CAAP1: variants seen among roughly 807,000 people sequenced by gnomAD.
CAAP1 encodes conserved anti-apoptotic protein.
CAAP1 carries 20 observed loss-of-function variants against 34.0 expected under a neutral mutation model. The observed-to-expected ratio is 0.59, with a 90% CI of 0.41 to 0.86. CAAP1 has a LOEUF of 0.86. Ranked by LOEUF, CAAP1 falls within the 40% of genes least tolerant of loss-of-function variation. The probability of loss-of-function intolerance (pLI) is 0.00; values close to 1 mark genes in which losing one functional copy is unlikely to be tolerated. For missense variants in CAAP1, 538 were observed against 450.5 expected, an observed-to-expected ratio of 1.19 and a Z score of -1.76; for synonymous variants, 213 against 166.7, an observed-to-expected ratio of 1.28 and a Z score of -2.14.
At chr9:26,843,282 ATT>A (rs1050985086) in intron 5 of CAAP1, among the ~76,000 whole-genome samples, 3 of 152,232 alleles carry the variant, frequency 2.0e-5, no homozygotes, top group African/African-American at 7.2e-5. Context: ...TAAAAAATGC[ATT>A]TGTTATAAAA....
intron 5 of CAAP1, among the ~76,000 whole-genome samples, chr9:26,852,148 C>T (rs1168989373): frequency 0.05 from 2 of 40 alleles, no homozygotes; most frequent in Non-Finnish European, 0.083. Context: ...CAACCTCTGC[C>T]TCCTGGCTGA....
Position 26,869,974 on chromosome 9 carries a change from T to C in CAAP1, c.666-8835A>G, listed in dbSNP as rs145073080. The C allele has an allele frequency of 6.6e-3, 6,512 of 983,052 alleles. 21 individuals carry two copies. The highest frequency in any genetic ancestry group is 7.5e-3 in the Non-Finnish European group (6,236 of 828,228). 60.9% of individuals were successfully genotyped at this position (983,052 alleles called of 1,614,324 possible). A position where few individuals can be genotyped will look rare whatever the true frequency, so the allele number is the denominator to read the frequency against. On this transcript the variant is annotated intron_variant, in intron 4 of 5. Coordinates refer to ENST00000333916, the MANE Select transcript of CAAP1 (RefSeq NM_024828.4). ...TTGAGCAGCAGGATGAGGCAGTAAA[T>C]TGACTGATGGAAAAATGACAATAGA... is the stretch of plus-strand genomic sequence containing the variant.
chr9:26,884,677 CAAAT>C (rs1307566776), intron 4 of CAAP1, 129 bp downstream of exon 4: 17 of 716,242 alleles, frequency 2.4e-5, no homozygotes, highest in East Asian at 2.6e-5. Context: ...TACAAGTAGA[CAAAT>C]AAATCTTTCT....
chr9:26,882,667 C>T (rs1273280485), intron 4 of CAAP1, among the ~76,000 whole-genome samples: 5 of 152,094 alleles, frequency 3.3e-5, no homozygotes, highest in East Asian at 1.9e-4. Flanking sequence ...AGAGGGCCAC[C>T]GTCCCCCAGA....
chr9:26,847,732 TG>T (rs1279179720), intron 5 of CAAP1, among the ~76,000 whole-genome samples: 3 of 152,128 alleles, frequency 2.0e-5, no homozygotes, highest in African/African-American at 4.8e-5. Context: ...TTATTTATGG[TG>T]TTTTTTTTTC....
chr9:26,863,966 A>C (rs2131313626), intron 4 of CAAP1, among the ~76,000 whole-genome samples: 1 of 151,958 alleles, frequency 6.6e-6, no homozygotes, highest in South Asian at 2.1e-4. Flanking sequence ...TAATTTTTTT[A>C]AGTAAAGGTG....
intron 4 of CAAP1, among the ~76,000 whole-genome samples, chr9:26,884,585 C>G (rs1823682132): frequency 6.6e-6 from 1 of 152,118 alleles, no homozygotes; most frequent in Non-Finnish European, 1.5e-5. Flanking sequence ...TGTTCTGTAT[C>G]TATGTGGAGT....
intron 4 of CAAP1, among the ~76,000 whole-genome samples, chr9:26,873,445 G>A (rs932326730): frequency 6.6e-6 from 1 of 151,968 alleles, no homozygotes; most frequent in Non-Finnish European, 1.5e-5. Flanking sequence ...TTTAGAGAAA[G>A]CAATTTTAAA....
chr9:26,848,904 A>C (rs1822678588), intron 5 of CAAP1, among the ~76,000 whole-genome samples: 2 of 152,178 alleles, frequency 1.3e-5, no homozygotes, highest in Admixed American at 6.5e-5. Flanking sequence ...TAAACATATA[A>C]ATTTTTTTTG....
At chr9:26,862,605 T>C (rs900518091) in intron 4 of CAAP1, among the ~76,000 whole-genome samples, 2 of 152,106 alleles carry the variant, frequency 1.3e-5, no homozygotes, top group African/African-American at 4.8e-5. Flanking sequence ...GAAAGTTGAA[T>C]GTCATTGTTA....
At position 26,842,205 on chromosome 9, in the gene CAAP1, G is replaced by A. The variant is rs1435415716; in HGVS notation, c.*96C>T. On this transcript the variant is annotated 3_prime_UTR_variant, in exon 6 of 6. Transcript: ENST00000333916. Reference sequence around the variant, plus strand: ...ATGAGTCCTAATAAGGGTTACATGAGAAATAACATATAAGACCCCAAATAA... The same window carrying A: ...ATGAGTCCTAATAAGGGTTACATGAAAAATAACATATAAGACCCCAAATAA... 8 of 976,118 alleles carry A rather than the reference G, an allele frequency of 8.2e-6. No individual in the cohort carries two copies. The highest frequency in any genetic ancestry group is 1.2e-5 in the Non-Finnish European group (8 of 671,588). The allele number at this position is 976,118 out of a possible 1,614,324, so 60.5% of individuals were successfully genotyped here. A position where few individuals can be genotyped will look rare whatever the true frequency, so the allele number is the denominator to read the frequency against.
rs180998912 is a variant in CAAP1 at position 26,855,117 on chromosome 9, A to T, written c.739+5949T>A. On this transcript the variant is annotated intron_variant, in intron 5 of 5. Coordinates refer to ENST00000333916, the MANE Select transcript of CAAP1 (RefSeq NM_024828.4). ...ATGTTATGGGTGAATGGATGAACAAACTGCTGTACATCCATGCAATGGAAA... is the reference window on the plus strand; with the variant it reads ...ATGTTATGGGTGAATGGATGAACAATCTGCTGTACATCCATGCAATGGAAA... 2.0e-5 allele frequency among the ~76,000 whole-genome samples: 3 copies of T among 152,390 alleles called. No homozygotes were observed. In the East Asian group the frequency reaches 5.8e-4, roughly 29 times the overall value.
intron 5 of CAAP1, among the ~76,000 whole-genome samples, chr9:26,856,130 G>C (rs576086992): frequency 1.0e-4 from 15 of 148,336 alleles, no homozygotes; most frequent in Admixed American, 4.6e-4. Context: ...TTTTTAAAAG[G>C]GGGGGGGTAG....
chr9:26,854,107 A>C (rs1002241675), intron 5 of CAAP1, among the ~76,000 whole-genome samples: 7 of 152,182 alleles, frequency 4.6e-5, no homozygotes, highest in African/African-American at 1.7e-4. Flanking sequence ...AGAAACTGCC[A>C]GGTTGATACT....
chr9:26,852,750 A>G (rs1020125093), intron 5 of CAAP1, among the ~76,000 whole-genome samples: 4 of 152,194 alleles, frequency 2.6e-5, no homozygotes, highest in African/African-American at 9.7e-5. Flanking sequence ...TAAATCTGAC[A>G]TCAATTCCCA....
At position 26,880,192 on chromosome 9, in the gene CAAP1, T is replaced by A. The variant is rs564251972; in HGVS notation, c.665+4618A>T. ...ACTCACGGGGTGTCTTTTGGCATAATTGTTATACATTTGGCATGGACAGCA... is the reference window on the plus strand; with the variant it reads ...ACTCACGGGGTGTCTTTTGGCATAAATGTTATACATTTGGCATGGACAGCA... On this transcript the variant is annotated intron_variant, in intron 4 of 5. Transcript: ENST00000333916. 74 of 320,482 alleles carry A rather than the reference T, an allele frequency of 2.3e-4. 2 individuals are homozygous for A. Among genetic ancestry groups the A allele is most frequent in the African/African-American group, 1.6e-3 (70 of 45,042 alleles). The allele number at this position is 320,482 out of a possible 1,614,324, so 19.9% of individuals were successfully genotyped here.
At position 26,859,145 on chromosome 9, in the gene CAAP1, C is replaced by A. The variant is rs73431849; in HGVS notation, c.739+1921G>T. ...CTCTGCTTGATGCCATCAGTGTGTT[C>A]CTAATGTCTCATACCTCCTTGAGAA... On this transcript the variant is annotated intron_variant, in intron 5 of 5. Transcript: ENST00000333916. Among the ~76,000 whole-genome samples the A allele has an allele frequency of 5.7e-3, 873 of 152,166 alleles. 11 individuals carry two copies. The highest frequency in any genetic ancestry group is 0.02 in the African/African-American group (811 of 41,496).
At chr9:26,875,829 A>G (rs917298087) in intron 4 of CAAP1, among the ~76,000 whole-genome samples, 17 of 151,986 alleles carry the variant, frequency 1.1e-4, no homozygotes, top group Non-Finnish European at 1.5e-5. Flanking sequence ...TTGTGGTGTG[A>G]TCTCCTTTGG....
intron 4 of CAAP1, among the ~76,000 whole-genome samples, chr9:26,867,460 A>C (rs1398352674): frequency 6.6e-6 from 1 of 152,018 alleles, no homozygotes; most frequent in African/African-American, 2.4e-5. Context: ...CCACCTATTC[A>C]TATCTGTAGT....
Sources: gnomAD v4.1 joint callset for allele counts (sites outside exome capture counted in the v4.1 genomes callset) on GRCh38, gnomAD v4.1.1 for gene constraint, MANE v1.5 for transcripts, NCBI Gene and HGNC (gene_info 2026-07-23, HGNC 2026-07-21) for gene names.